Variants in CDH12 observed in about 807,000 individuals in gnomAD.
The protein encoded by CDH12 is cadherin-12.
A neutral mutation model predicts 74.1 loss-of-function variants in CDH12; 41 were observed. The ratio of observed to expected loss-of-function variants is 0.55; its 90% confidence interval spans 0.43 to 0.72. The LOEUF (loss-of-function observed/expected upper bound fraction) is 0.72, where lower values mean the gene tolerates loss of function less well. Among genes scored for constraint, CDH12 ranks in the 30% least tolerant of loss-of-function variants. The pLI is 0.00. For synonymous variants in CDH12, 399 were observed against 355.0 expected, an observed-to-expected ratio of 1.12 and a Z score of -1.39; for missense variants, 945 against 977.2, an observed-to-expected ratio of 0.97 and a Z score of 0.44.
chr5:22,586,837 ATTT>A (rs11417237), intron 1 of CDH12, among the ~76,000 whole-genome samples: 9 of 105,444 alleles, frequency 8.5e-5, no homozygotes, highest in African/African-American at 2.9e-4. Flanking sequence ...TTAGAGGAGG[ATTT>A]TTTTTTTTTT....
At chr5:22,469,394 T>C (rs954480005) in intron 2 of CDH12, among the ~76,000 whole-genome samples, 3 of 152,174 alleles carry the variant, frequency 2.0e-5, no homozygotes, top group East Asian at 1.9e-4. Flanking sequence ...TCTGGGCCTC[T>C]CTCCTTCTCT....
chr5:22,434,497 T>C (rs2126527347), intron 2 of CDH12, among the ~76,000 whole-genome samples: 1 of 152,186 alleles, frequency 6.6e-6, no homozygotes, highest in Admixed American at 6.6e-5. Flanking sequence ...ATATATTATA[T>C]CCAAAATGGA....
chr5:21,879,423 A>G (rs755151525), intron 6 of CDH12, among the ~76,000 whole-genome samples: 109 of 151,874 alleles, frequency 7.2e-4, no homozygotes, highest in African/African-American at 2.5e-3. Context: ...ATACATGCAG[A>G]TATCTGGAAG....
chr5:22,642,075 A>T (rs1739180235), intron 1 of CDH12, among the ~76,000 whole-genome samples: 1 of 152,246 alleles, frequency 6.6e-6, no homozygotes, highest in Non-Finnish European at 1.5e-5. Flanking sequence ...CGAAAAGACA[A>T]TGTAGCACTT....
intron 5 of CDH12, among the ~76,000 whole-genome samples, chr5:22,031,893 T>C (rs982059383): frequency 1.3e-5 from 2 of 152,028 alleles, no homozygotes; most frequent in East Asian, 3.9e-4. Flanking sequence ...TGAAGAACTT[T>C]GGAATTTTCA....
At chr5:22,430,029 T>C (rs889595024) in intron 2 of CDH12, among the ~76,000 whole-genome samples, 1 of 152,204 alleles carries the variant, frequency 6.6e-6, no homozygotes, top group Non-Finnish European at 1.5e-5. Flanking sequence ...AGATGGTAAC[T>C]ACCATTTGCA....
intron 1 of CDH12, among the ~76,000 whole-genome samples, chr5:22,574,764 G>A (rs1739703871): frequency 6.6e-6 from 1 of 151,896 alleles, no homozygotes; most frequent in Non-Finnish European, 1.5e-5. Flanking sequence ...CATATTGTGG[G>A]TTTCCATGAC....
intron 6 of CDH12, among the ~76,000 whole-genome samples, chr5:21,872,707 G>C (rs748500167): frequency 2.0e-5 from 3 of 152,006 alleles, no homozygotes; most frequent in Non-Finnish European, 4.4e-5. Flanking sequence ...TGACTAATTA[G>C]AGTTTAATGT....
chr5:22,511,476 G>T (rs1336518804), intron 1 of CDH12, among the ~76,000 whole-genome samples: 2 of 152,042 alleles, frequency 1.3e-5, no homozygotes, highest in Non-Finnish European at 2.9e-5. Context: ...ATATAAAAAT[G>T]ATTCCACAGC....
intron 1 of CDH12, among the ~76,000 whole-genome samples, chr5:22,697,098 G>A (rs1045369399): frequency 6.6e-6 from 1 of 152,084 alleles, no homozygotes; most frequent in African/African-American, 2.4e-5. Context: ...TTTAGAGCAC[G>A]ATTATAAAAA....
chr5:22,063,543 A>AAT (rs908956797), intron 5 of CDH12, among the ~76,000 whole-genome samples: 28 of 152,202 alleles, frequency 1.8e-4, no homozygotes, highest in African/African-American at 6.7e-4. Flanking sequence ...TTTGAGTCTT[A>AAT]ATAGTAAACC....
chr5:22,424,034 AAAAGAAAAAG>A (rs1271517827), intron 2 of CDH12, among the ~76,000 whole-genome samples: 4 of 149,284 alleles, frequency 2.7e-5, no homozygotes, highest in African/African-American at 9.8e-5. Flanking sequence ...AAAAGAAAAG[AAAAGAAAAAG>A]AAAGAAAAAA....
At chr5:21,842,127 C>T (rs1194537414) in intron 8 of CDH12, 34 bp downstream of exon 8, 1 of 1,540,142 alleles carries the variant, frequency 6.5e-7, no homozygotes, top group Non-Finnish European at 8.8e-7. Flanking sequence ...TTTTAAACCG[C>T]AATAATTTAG....
intron 1 of CDH12, among the ~76,000 whole-genome samples, chr5:22,675,744 T>C (rs1175049782): frequency 6.6e-6 from 1 of 151,834 alleles, no homozygotes; most frequent in African/African-American, 2.4e-5. Context: ...CATGTGGAAC[T>C]CTTAAGTCCA....
At chr5:22,104,181 G>C (rs7711478) in intron 4 of CDH12, among the ~76,000 whole-genome samples, 1 of 151,876 alleles carries the variant, frequency 6.6e-6, no homozygotes, top group Non-Finnish European at 1.5e-5. Flanking sequence ...ATTATATTGA[G>C]TATACCATAC....
At position 21,832,869 on chromosome 5, in the gene CDH12, G is replaced by A. The variant is rs55837705; in HGVS notation, c.814+9292C>T. Among the ~76,000 whole-genome samples, 375 of 45,464 alleles carry A rather than the reference G, an allele frequency of 8.2e-3. 7 individuals carry two copies. The highest frequency in any genetic ancestry group is 0.052 in the African/African-American group (328 of 6,304). 29.8% of individuals were successfully genotyped at this position (45,464 alleles called of 152,430 possible). ...ATATGATATATGATATATATCATAT[G>A]ATATATGATATAATATTAATATATA... is the stretch of plus-strand genomic sequence containing the variant. On this transcript the variant is annotated intron_variant, in intron 8 of 14. Coordinates refer to ENST00000382254, the MANE Select transcript of CDH12 (RefSeq NM_004061.5).
chr5:22,462,468 C>A (rs1171189071), intron 2 of CDH12, among the ~76,000 whole-genome samples: 1 of 152,056 alleles, frequency 6.6e-6, no homozygotes. Context: ...GAAACAGCAA[C>A]TAAAAAACTA....
At chr5:22,254,281 G>A (rs1481847416) in intron 3 of CDH12, among the ~76,000 whole-genome samples, 1 of 151,758 alleles carries the variant, frequency 6.6e-6, no homozygotes, top group African/African-American at 2.4e-5. Flanking sequence ...TTGAAATTTG[G>A]TAACTCAAAA....
At chr5:21,795,801 C>A (rs981923059) in intron 10 of CDH12, among the ~76,000 whole-genome samples, 2 of 151,908 alleles carry the variant, frequency 1.3e-5, no homozygotes, top group African/African-American at 4.8e-5. Flanking sequence ...TACGTTTTTG[C>A]ACACATGCTA....
Sources: gnomAD v4.1 joint callset for allele counts (sites outside exome capture counted in the v4.1 genomes callset) on GRCh38, gnomAD v4.1.1 for gene constraint, MANE v1.5 for transcripts, NCBI Gene and HGNC (gene_info 2026-07-23, HGNC 2026-07-21) for gene names.